The following CDH22 variants were observed in gnomAD, a reference collection of about 807,000 sequenced individuals.
The protein encoded by CDH22 is cadherin 22.
A neutral mutation model predicts 58.4 loss-of-function variants in CDH22; 30 were observed. That is an observed-to-expected ratio of 0.51 (90% CI 0.38 to 0.70). CDH22 has a LOEUF of 0.70. CDH22 is among the 30% of genes least tolerant of loss of function. The pLI is 0.00. For missense variants in CDH22, 1,014 were observed against 1,233.9 expected, an observed-to-expected ratio of 0.82 and a Z score of 2.67; for synonymous variants, 513 against 558.2, an observed-to-expected ratio of 0.92 and a Z score of 1.14.
chr20:46,249,271 C>A lies in CDH22; in HGVS notation c.255+1769G>T, dbSNP rs542960417. ...TGGCTACTACCTATCATATAGCAGG[C>A]TTGGTCACTCCATCCCCAGCCCTTG... On this transcript the variant is annotated intron_variant, in intron 2 of 11. Transcript: ENST00000537909. 2.6e-5 allele frequency among the ~76,000 whole-genome samples: 4 copies of A among 152,316 alleles called. No homozygotes were observed. The East Asian group carries it at 7.7e-4, about 29-fold the overall frequency.
chr20:46,290,703 G>A (rs146085703), intron 1 of CDH22, among the ~76,000 whole-genome samples: 1,593 of 152,274 alleles, frequency 0.01, 6 homozygotes, highest in Non-Finnish European at 0.015. Flanking sequence ...TTAGGGTGGA[G>A]ATGGGGAGGG....
At chr20:46,215,543 G>A (rs891078844) in intron 5 of CDH22, among the ~76,000 whole-genome samples, 5 of 152,230 alleles carry the variant, frequency 3.3e-5, no homozygotes, top group African/African-American at 1.2e-4. Context: ...TGGGGAAGAG[G>A]CTATGATCAG....
At chr20:46,225,753 G>A (rs1305885970) in intron 4 of CDH22, among the ~76,000 whole-genome samples, 2 of 151,972 alleles carry the variant, frequency 1.3e-5, no homozygotes, top group Non-Finnish European at 2.9e-5. Context: ...CTACCTTTGG[G>A]GCTGCAATTA....
intron 2 of CDH22, among the ~76,000 whole-genome samples, chr20:46,245,237 T>G (rs2145730848): frequency 6.6e-6 from 1 of 152,286 alleles, no homozygotes; most frequent in South Asian, 2.1e-4. Context: ...GGGGCCATGA[T>G]CCAATCAATG....
chr20:46,276,384 G>A (rs1483762495), intron 1 of CDH22, among the ~76,000 whole-genome samples: 1 of 152,224 alleles, frequency 6.6e-6, no homozygotes, highest in African/African-American at 2.4e-5. Flanking sequence ...GTTGCTTCAG[G>A]GAGGCTGGAT....
intron 1 of CDH22, among the ~76,000 whole-genome samples, chr20:46,288,319 CAT>C: frequency 6.6e-6 from 1 of 152,294 alleles, no homozygotes; most frequent in East Asian, 1.9e-4. Context: ...CCCTGTACCT[CAT>C]AGAGCTCTTG....
At chr20:46,229,626 C>A (rs1441136174) in intron 3 of CDH22, among the ~76,000 whole-genome samples, 2 of 152,188 alleles carry the variant, frequency 1.3e-5, no homozygotes, top group Non-Finnish European at 2.9e-5. Flanking sequence ...CGTCCAGCAC[C>A]AAGGACAGTG....
chr20:46,188,281 A>G (rs551403070), intron 8 of CDH22, among the ~76,000 whole-genome samples: 1 of 152,258 alleles, frequency 6.6e-6, no homozygotes, highest in Admixed American at 6.5e-5. Context: ...AGTGATTATG[A>G]GCAGTGCTGG....
At chr20:46,294,792 T>A (rs1406160672) in intron 1 of CDH22, among the ~76,000 whole-genome samples, 2 of 152,162 alleles carry the variant, frequency 1.3e-5, no homozygotes, top group Non-Finnish European at 2.9e-5. Context: ...CTGAAAAAAC[T>A]GAGGCACTAG....
At chr20:46,287,416 C>T (rs980271315) in intron 1 of CDH22, among the ~76,000 whole-genome samples, 1 of 152,076 alleles carries the variant, frequency 6.6e-6, no homozygotes, top group Non-Finnish European at 1.5e-5. Flanking sequence ...ACAGGGAGCT[C>T]GGACTAGTCT....
chr20:46,204,393 C>CAAA (rs3092239), intron 7 of CDH22, among the ~76,000 whole-genome samples: 33 of 77,264 alleles, frequency 4.3e-4, no homozygotes, highest in Non-Finnish European at 6.5e-4. Flanking sequence ...GACTCTGTCT[C>CAAA]AAAAAAAAAA....
chr20:46,177,102 G>A (rs1381974644), intron 11 of CDH22, among the ~76,000 whole-genome samples: 1 of 152,202 alleles, frequency 6.6e-6, no homozygotes, highest in African/African-American at 2.4e-5. Flanking sequence ...GGTACAGCCT[G>A]GCCATAGGCA....
intron 4 of CDH22, 140 bp downstream of exon 4, chr20:46,227,368 C>T: frequency 2.6e-6 from 2 of 775,184 alleles, no homozygotes; most frequent in South Asian, 3.4e-5. Context: ...GACTCTCCTG[C>T]TGTGCACAAG....
At chr20:46,202,699 C>T (rs1405534644) in intron 7 of CDH22, among the ~76,000 whole-genome samples, 9 of 152,156 alleles carry the variant, frequency 5.9e-5, no homozygotes, top group Non-Finnish European at 1.0e-4. Context: ...AAAGTTGAAC[C>T]AGCCAAATCC....
chr20:46,289,781 G>A (rs2086592508), intron 1 of CDH22, among the ~76,000 whole-genome samples: 1 of 152,186 alleles, frequency 6.6e-6, no homozygotes, highest in Non-Finnish European at 1.5e-5. Flanking sequence ...TGGGAGGGGA[G>A]GAAGCTAGAA....
At position 46,241,760 on chromosome 20, in the gene CDH22, C is replaced by T. The variant is rs1446149770; in HGVS notation, c.256-503G>A. Among the ~76,000 whole-genome samples, 4 of 152,192 alleles carry T rather than the reference C, an allele frequency of 2.6e-5. No homozygotes were observed. Among genetic ancestry groups the T allele is most frequent in the South Asian group, 4.1e-4 (2 of 4,826 alleles). ...GTCTCCCCCTGCCCCCAGGATCTCTCGGTACATCAAGCCATCATGATCATG... is the reference window on the plus strand; with the variant it reads ...GTCTCCCCCTGCCCCCAGGATCTCTTGGTACATCAAGCCATCATGATCATG... On this transcript the variant is annotated intron_variant, in intron 2 of 11. Transcript: ENST00000537909. The surrounding 1 kb of genome is among the most constrained non-coding windows in gnomAD (Gnocchi z 5.2).
rs1395385042 is a variant in CDH22, at chr20:46,174,498, G to A, written c.*8C>T. Reference sequence around the variant, plus strand: ...TGAGCAGCCGCGCCCCGACGGCAGGGCGAGGGGCTAGGAGGCCTGGGCCTC... The same window carrying A: ...TGAGCAGCCGCGCCCCGACGGCAGGACGAGGGGCTAGGAGGCCTGGGCCTC... On this transcript the variant is annotated 3_prime_UTR_variant, in exon 12 of 12. Transcript: ENST00000537909. This position sits in a 1 kb window ranked among gnomAD's most constrained non-coding sequence, Gnocchi z 4.4. 2 of 1,482,190 alleles carry A rather than the reference G, an allele frequency of 1.3e-6. No homozygotes were observed. Among genetic ancestry groups the A allele is most frequent in the Non-Finnish European group, 8.9e-7 (1 of 1,122,924 alleles). The allele number at this position is 1,482,190 out of a possible 1,614,324, so 91.8% of individuals were successfully genotyped here. A position where few individuals can be genotyped will look rare whatever the true frequency, so the allele number is the denominator to read the frequency against.
intron 1 of CDH22, among the ~76,000 whole-genome samples, chr20:46,279,787 T>C (rs923582066): frequency 1.3e-5 from 2 of 152,224 alleles, no homozygotes; most frequent in African/African-American, 4.8e-5. Flanking sequence ...ATTAAAATTA[T>C]TTTTAAAAGA....
At chr20:46,284,256 G>T (rs939569097) in intron 1 of CDH22, among the ~76,000 whole-genome samples, 1 of 152,066 alleles carries the variant, frequency 6.6e-6, no homozygotes, top group African/African-American at 2.4e-5. Flanking sequence ...CCACCAGGGG[G>T]ACAAAGGTGA....
Sources: allele counts gnomAD v4.1 joint callset (sites outside exome capture counted in the v4.1 genomes callset), GRCh38; gene constraint gnomAD v4.1.1; non-coding constraint Gnocchi (gnomAD v3.1); transcripts MANE v1.5; gene names NCBI Gene and HGNC (gene_info 2026-07-23, HGNC 2026-07-21).